Variants in TAS2R1 observed in about 807,000 individuals in gnomAD.
TAS2R1 encodes the protein taste receptor type 2 member 1.
For missense variants in TAS2R1, 370 were observed against 353.4 expected, an observed-to-expected ratio of 1.05 and a Z score of -0.38; for synonymous variants, 141 against 134.2, an observed-to-expected ratio of 1.05 and a Z score of -0.35.
At chr5:9,846,126 T>C in the TAS2R1 span, among the ~76,000 whole-genome samples, 2 of 152,208 alleles carry the variant, frequency 1.3e-5, no homozygotes, top group Non-Finnish European at 2.9e-5. Context: ...ATGAGATTTA[T>C]ATAAACCAAG....
chr5:9,701,611 TG>T (rs1243281858), intron 1 of TAS2R1, among the ~76,000 whole-genome samples: 13 of 152,212 alleles, frequency 8.5e-5, no homozygotes, highest in African/African-American at 3.1e-4. Flanking sequence ...ATGCTAGAAA[TG>T]ATCAATGATG....
the TAS2R1 span, among the ~76,000 whole-genome samples, chr5:9,822,537 C>G: frequency 2.6e-5 from 4 of 151,746 alleles, no homozygotes; most frequent in African/African-American, 7.3e-5. Context: ...TTTTAGTAGA[C>G]ACGGGGTTTC....
At chr5:9,783,212 A>G in the TAS2R1 span, among the ~76,000 whole-genome samples, 1 of 152,164 alleles carries the variant, frequency 6.6e-6, no homozygotes, top group East Asian at 1.9e-4. Flanking sequence ...TCATTACAAC[A>G]TTGTCTCTCT....
rs201300818 is a variant in TAS2R1 at position 9,674,327 on chromosome 5, T to C, written c.-241-14746A>G. On this transcript the variant is annotated intron_variant, in intron 1 of 2. Transcript: ENST00000506620. ...ATATGCAGGATATTATGATAAACAA[T>C]AGTATATCAACCACATGGCTTAAGA... is the stretch of plus-strand genomic sequence containing the variant. 5.3e-5 allele frequency among the ~76,000 whole-genome samples: 8 copies of C among 152,228 alleles called. No homozygotes were observed. In the East Asian group the frequency reaches 1.2e-3, roughly 22 times the overall value.
the TAS2R1 span, among the ~76,000 whole-genome samples, chr5:9,844,076 G>C: frequency 6.6e-6 from 1 of 152,094 alleles, no homozygotes; most frequent in Non-Finnish European, 1.5e-5. Flanking sequence ...TATTATCATT[G>C]GGAATGACAT....
chr5:9,649,017 A>C (rs982837659), intron 2 of TAS2R1, among the ~76,000 whole-genome samples: 1 of 152,204 alleles, frequency 6.6e-6, no homozygotes, highest in Non-Finnish European at 1.5e-5. Flanking sequence ...AGAGAACTAG[A>C]AACACTTGCT....
chr5:9,804,932 G>A, the TAS2R1 span, among the ~76,000 whole-genome samples: 5 of 151,466 alleles, frequency 3.3e-5, no homozygotes, highest in African/African-American at 1.2e-4. Context: ...AGAAAACAAT[G>A]CAAAATATAA....
chr5:9,858,203 C>T, the TAS2R1 span, among the ~76,000 whole-genome samples: 4 of 151,934 alleles, frequency 2.6e-5, no homozygotes, highest in African/African-American at 4.8e-5. Context: ...TCTGCCAGGC[C>T]GGACTGGAGC....
At chr5:9,787,053 T>C in the TAS2R1 span, among the ~76,000 whole-genome samples, 2 of 152,210 alleles carry the variant, frequency 1.3e-5, no homozygotes, top group African/African-American at 2.4e-5. Context: ...ACTATATGTT[T>C]TGGCCCAAGT....
intron 1 of TAS2R1, chr5:9,712,078 C>T (rs999957805): frequency 6.7e-6 from 1 of 149,412 alleles, no homozygotes; most frequent in African/African-American, 2.5e-5. Flanking sequence ...AGTGGGGTAA[C>T]ATCTTTCTTT....
chr5:9,809,747 TTC>T, the TAS2R1 span, among the ~76,000 whole-genome samples: 2 of 152,208 alleles, frequency 1.3e-5, no homozygotes, highest in Non-Finnish European at 2.9e-5. Context: ...CTTGATTACA[TTC>T]TCTGTTCTTT....
chr5:9,779,182 A>G, the TAS2R1 span, among the ~76,000 whole-genome samples: 1 of 152,166 alleles, frequency 6.6e-6, no homozygotes, highest in Non-Finnish European at 1.5e-5. Context: ...CAATTGTTTA[A>G]AAGAGTCTGG....
chr5:9,863,349 C>A, the TAS2R1 span, among the ~76,000 whole-genome samples: 1 of 149,828 alleles, frequency 6.7e-6, no homozygotes, highest in Non-Finnish European at 1.5e-5. Flanking sequence ...CGGCTCACTG[C>A]AAAGCTCTGC....
At position 9,642,838 on chromosome 5, in the gene TAS2R1, C is replaced by T. The variant is rs1378270032; in HGVS notation, c.-80-12846G>A. ...AATGAGGAAACAGAAGCCACAGATG[C>T]TGCAGTTGAATCATGGGAATAGTCT... On this transcript the variant is annotated intron_variant, in intron 2 of 2. Coordinates refer to the TAS2R1 transcript ENST00000506620. Among the ~76,000 whole-genome samples, 5 of 152,156 alleles carry T rather than the reference C, an allele frequency of 3.3e-5. No individual in the cohort carries two copies. In the South Asian group the frequency reaches 8.3e-4, roughly 25 times the overall value.
the TAS2R1 span, among the ~76,000 whole-genome samples, chr5:9,745,368 A>AT: frequency 5.3e-5 from 8 of 151,946 alleles, no homozygotes; most frequent in East Asian, 1.9e-4. Flanking sequence ...GAAGGGAGAG[A>AT]TTTTTTTAAG....
the TAS2R1 span, among the ~76,000 whole-genome samples, chr5:9,792,797 A>C: frequency 2.1e-4 from 32 of 152,308 alleles, no homozygotes; most frequent in African/African-American, 7.7e-4. Flanking sequence ...GGACTCACTG[A>C]GAAGAAGAAC....
chr5:9,719,483 G>C, the TAS2R1 span, among the ~76,000 whole-genome samples: 2 of 152,290 alleles, frequency 1.3e-5, no homozygotes, highest in Middle Eastern at 3.4e-3. Flanking sequence ...CTGTTACCAA[G>C]CCTGGGTCTC....
chr5:9,633,310 A>ATG (rs1315351176), upstream of TAS2R1, among the ~76,000 whole-genome samples: 3 of 135,836 alleles, frequency 2.2e-5, no homozygotes, highest in African/African-American at 9.2e-5. Context: ...ATATATATAT[A>ATG]TATATATATA....
the TAS2R1 span, among the ~76,000 whole-genome samples, chr5:9,832,830 GA>G: frequency 2.6e-5 from 4 of 152,310 alleles, no homozygotes; most frequent in South Asian, 6.2e-4. Context: ...ATCAATTTAG[GA>G]AGTTTATTTT....
Sources: allele counts gnomAD v4.1 joint callset (sites outside exome capture counted in the v4.1 genomes callset), GRCh38; gene constraint gnomAD v4.1.1; transcripts MANE v1.5; gene names NCBI Gene and HGNC (gene_info 2026-07-23, HGNC 2026-07-21).